TMCC1: variants seen among roughly 807,000 people sequenced by gnomAD.
TMCC1 encodes the protein transmembrane and coiled-coil domain family 1.
In TMCC1, 15 loss-of-function variants were observed where a neutral mutation model predicts 52.4. The observed-to-expected ratio is 0.29, with a 90% CI of 0.19 to 0.44. The LOEUF (loss-of-function observed/expected upper bound fraction) is 0.44, where lower values mean the gene tolerates loss of function less well. Ranked by LOEUF, TMCC1 falls within the 20% of genes least tolerant of loss-of-function variation. The pLI is 1.00. For synonymous variants in TMCC1, 279 were observed against 301.9 expected (o/e 0.92, Z 0.79); for missense variants, 503 against 806.0 (o/e 0.62, Z 4.55).
At chr3:129,773,847 G>C (rs971093257) in intron 4 of TMCC1, among the ~76,000 whole-genome samples, 2 of 152,192 alleles carry the variant, frequency 1.3e-5, no homozygotes, top group Admixed American at 1.3e-4. Flanking sequence ...GGAAGGCTGA[G>C]GTGGGAGATC....
At chr3:129,684,857 T>C (rs1224160763) in intron 4 of TMCC1, among the ~76,000 whole-genome samples, 2 of 152,200 alleles carry the variant, frequency 1.3e-5, no homozygotes, top group African/African-American at 2.4e-5. Context: ...AGATTATGGA[T>C]ACAGGTTGTG....
rs1041784351 is a variant in TMCC1, at chr3:129,649,816, A to G, written c.*1665T>C. ...GACCAATACTACAAATAATATGGAA[A>G]GATTAACCAAGCTCTCTAGATAAAC... On this transcript the variant is annotated 3_prime_UTR_variant, in exon 7 of 7. Coordinates refer to ENST00000393238, the MANE Select transcript of TMCC1 (RefSeq NM_001017395.5). 2.6e-5 allele frequency: 4 copies of G among 152,432 alleles called. No homozygotes were observed. Among genetic ancestry groups the G allele is most frequent in the Admixed American group, 2.6e-4 (4 of 15,280 alleles). The allele number at this position is 152,432 out of a possible 1,614,324, so 9.4% of individuals were successfully genotyped here.
intron 4 of TMCC1, among the ~76,000 whole-genome samples, chr3:129,702,545 G>A (rs1251738848): frequency 2.0e-5 from 3 of 152,116 alleles, no homozygotes; most frequent in East Asian, 1.9e-4. Flanking sequence ...GTTTACCATA[G>A]TGAAGAGCTA....
intron 4 of TMCC1, among the ~76,000 whole-genome samples, chr3:129,775,855 T>C (rs1244629387): frequency 6.6e-6 from 1 of 152,232 alleles, no homozygotes; most frequent in Non-Finnish European, 1.5e-5. Flanking sequence ...TTTAAAAATA[T>C]AAATCAGATC....
At chr3:129,730,571 C>A (rs535498157) in intron 4 of TMCC1, among the ~76,000 whole-genome samples, 14 of 152,286 alleles carry the variant, frequency 9.2e-5, no homozygotes, top group Admixed American at 9.2e-4. Context: ...TATGGTAAGT[C>A]TGAAAGCTGG....
chr3:129,693,503 ATTTTTT>A (rs11433105), intron 4 of TMCC1, among the ~76,000 whole-genome samples: 1 of 122,014 alleles, frequency 8.2e-6, no homozygotes, highest in Non-Finnish European at 1.6e-5. Context: ...CCAAGATTGA[ATTTTTT>A]TTTTTTTTTT....
intron 4 of TMCC1, among the ~76,000 whole-genome samples, chr3:129,730,216 A>T (rs2107613337): frequency 6.6e-6 from 1 of 152,252 alleles, no homozygotes; most frequent in East Asian, 1.9e-4. Context: ...TTCTCCCAAT[A>T]TGCAGCATGC....
chr3:129,892,038 C>T (rs1459323673), intron 1 of TMCC1, among the ~76,000 whole-genome samples: 1 of 152,206 alleles, frequency 6.6e-6, no homozygotes, highest in Non-Finnish European at 1.5e-5. Context: ...GCGGTCTGTG[C>T]TTCTGTTTAT....
chr3:129,797,413 T>C (rs1576886816), intron 4 of TMCC1, among the ~76,000 whole-genome samples: 2 of 151,032 alleles, frequency 1.3e-5, no homozygotes, highest in African/African-American at 4.9e-5. Flanking sequence ...GGCTGCCAAG[T>C]CTCCAAAAAA....
At chr3:129,875,973 A>C (rs1230176793) in intron 2 of TMCC1, among the ~76,000 whole-genome samples, 1 of 152,176 alleles carries the variant, frequency 6.6e-6, no homozygotes, top group Non-Finnish European at 1.5e-5. Context: ...GTCTCTATTA[A>C]AAATACAAAA....
chr3:129,730,816 A>G (rs2050481753), intron 4 of TMCC1, among the ~76,000 whole-genome samples: 1 of 152,256 alleles, frequency 6.6e-6, no homozygotes. Flanking sequence ...ACAAACTACC[A>G]GAATCACCTA....
intron 4 of TMCC1, among the ~76,000 whole-genome samples, chr3:129,708,359 A>T (rs747035800): frequency 3.1e-4 from 47 of 152,216 alleles, no homozygotes; most frequent in Non-Finnish European, 5.1e-4. Context: ...CAATGTAACA[A>T]GAGCTTTGTC....
At chr3:129,696,178 T>A (rs901886594) in intron 4 of TMCC1, among the ~76,000 whole-genome samples, 2 of 152,204 alleles carry the variant, frequency 1.3e-5, no homozygotes, top group Non-Finnish European at 2.9e-5. Flanking sequence ...TTGTCACCTA[T>A]TGTCTCTAAG....
At chr3:129,892,282 T>C (rs2062004254) in intron 1 of TMCC1, among the ~76,000 whole-genome samples, 1 of 152,216 alleles carries the variant, frequency 6.6e-6, no homozygotes, top group Non-Finnish European at 1.5e-5. Context: ...TTAATCTTTC[T>C]ACACTAGCCA....
intron 4 of TMCC1, among the ~76,000 whole-genome samples, chr3:129,735,707 G>C (rs1464154778): frequency 6.7e-6 from 1 of 149,508 alleles, no homozygotes; most frequent in Non-Finnish European, 1.5e-5. Flanking sequence ...CGTTTCAAAA[G>C]TGCATGTAAG....
At chr3:129,672,640 C>G (rs573421605) in intron 4 of TMCC1, among the ~76,000 whole-genome samples, 1 of 152,182 alleles carries the variant, frequency 6.6e-6, no homozygotes, top group Non-Finnish European at 1.5e-5. Context: ...TAAGCAGTAA[C>G]AGAGTAATGA....
At chr3:129,702,562 G>C (rs1576502460) in intron 4 of TMCC1, among the ~76,000 whole-genome samples, 1 of 152,210 alleles carries the variant, frequency 6.6e-6, no homozygotes, top group Admixed American at 6.5e-5. Flanking sequence ...GCTATTTCAG[G>C]CTGAATGCCA....
chr3:129,678,084 C>A (rs528452459), intron 4 of TMCC1, among the ~76,000 whole-genome samples: 2 of 152,122 alleles, frequency 1.3e-5, no homozygotes, highest in South Asian at 4.1e-4. Flanking sequence ...TATGCCACCA[C>A]ACCTGGCTAA....
At chr3:129,689,607 G>A (rs1260683152) in intron 4 of TMCC1, among the ~76,000 whole-genome samples, 1 of 152,138 alleles carries the variant, frequency 6.6e-6, no homozygotes, top group Admixed American at 6.5e-5. Context: ...TTCTAGTTAA[G>A]TATGGGTCTG....
Sources: allele counts gnomAD v4.1 joint callset (sites outside exome capture counted in the v4.1 genomes callset), GRCh38; gene constraint gnomAD v4.1.1; transcripts MANE v1.5; gene names NCBI Gene and HGNC (gene_info 2026-07-23, HGNC 2026-07-21).